The following ITGA1 variants were observed in gnomAD, a reference collection of about 807,000 sequenced individuals.
ITGA1 encodes integrin alpha-1.
A neutral mutation model predicts 145.9 loss-of-function variants in ITGA1; 85 were observed. The observed-to-expected ratio is 0.58, with a 90% CI of 0.49 to 0.70. The LOEUF (loss-of-function observed/expected upper bound fraction) is 0.70, where lower values mean the gene tolerates loss of function less well. Ranked by LOEUF, ITGA1 falls within the 30% of genes least tolerant of loss-of-function variation. The pLI is 0.00. For synonymous variants in ITGA1, 520 were observed against 495.3 expected, an observed-to-expected ratio of 1.05 and a Z score of -0.66; for missense variants, 1,351 against 1,418.7, an observed-to-expected ratio of 0.95 and a Z score of 0.77.
In ITGA1 at chr5:52,789,494, G is replaced by C. The variant is rs757849195; in HGVS notation, c.61+1080G>C. 2.0e-4 allele frequency among the ~76,000 whole-genome samples: 31 copies of C among 152,288 alleles called. 1 individual carries two copies. Among genetic ancestry groups the C allele is most frequent in the African/African-American group, 4.1e-4 (17 of 41,560 alleles). ...TGTTAAGTTTTATGAAGATGATTTA[G>C]AAGTTGATTATCAGCAAGCAGAGCT... On this transcript the variant is annotated intron_variant, in intron 1 of 28. Coordinates refer to ENST00000282588, the MANE Select transcript of ITGA1 (RefSeq NM_181501.2).
Position 52,800,697 on chromosome 5 carries a change from C to T in ITGA1, c.61+12283C>T, listed in dbSNP as rs371706485. ...ATGTCAAGATGGGGGCTTACCACAC[C>T]ATCGAGCTGGAGCCCAACCGCCAGT... is the stretch of plus-strand genomic sequence containing the variant. On this transcript the variant is annotated intron_variant, in intron 1 of 28. Coordinates refer to ENST00000282588, the MANE Select transcript of ITGA1 (RefSeq NM_181501.2). 2.8e-5 allele frequency: 46 copies of T among 1,614,186 alleles called. No homozygotes were observed. In the African/African-American group the frequency reaches 3.7e-4, roughly 13 times the overall value.
intron 20 of ITGA1, among the ~76,000 whole-genome samples, chr5:52,929,265 G>C (rs931444763): frequency 6.6e-6 from 1 of 152,084 alleles, no homozygotes; most frequent in Non-Finnish European, 1.5e-5. Context: ...GCAGCATTCT[G>C]AGTTACAAGG....
chr5:52,820,439 G>A (rs1301453458), intron 1 of ITGA1, among the ~76,000 whole-genome samples: 1 of 149,442 alleles, frequency 6.7e-6, no homozygotes, highest in East Asian at 2.0e-4. Context: ...GAGTTAATGG[G>A]TGCAGCACAC....
At chr5:52,928,658 G>C (rs1365854312) in intron 20 of ITGA1, among the ~76,000 whole-genome samples, 1 of 152,110 alleles carries the variant, frequency 6.6e-6, no homozygotes, top group African/African-American at 2.4e-5. Flanking sequence ...GGAACAAATT[G>C]AATTTCCAAA....
intron 6 of ITGA1, among the ~76,000 whole-genome samples, chr5:52,876,484 T>C (rs555654605): frequency 1.3e-4 from 20 of 152,272 alleles, no homozygotes; most frequent in Non-Finnish European, 2.2e-4. Flanking sequence ...GGGAACTACA[T>C]TGAATGTCAT....
At chr5:52,950,284 T>C (rs1255777064) in intron 28 of ITGA1, among the ~76,000 whole-genome samples, 3 of 152,230 alleles carry the variant, frequency 2.0e-5, no homozygotes, top group Admixed American at 6.5e-5. Flanking sequence ...CCTCAACTGA[T>C]GATTTATTTA....
chr5:52,881,324 G>T (rs970284029), intron 6 of ITGA1, among the ~76,000 whole-genome samples: 3 of 151,452 alleles, frequency 2.0e-5, no homozygotes, highest in African/African-American at 7.3e-5. Flanking sequence ...TCCCATCCTG[G>T]TCTTCTTCAC....
chr5:52,881,760 T>C (rs1749963618), intron 6 of ITGA1, 113 bp from the exon 7 acceptor site: 1 of 875,588 alleles, frequency 1.1e-6, no homozygotes, highest in Non-Finnish European at 1.7e-6. Context: ...TGTGTACTGA[T>C]AGGTTTGCAA....
At chr5:52,912,216 GAT>G (rs1199678150) in intron 14 of ITGA1, among the ~76,000 whole-genome samples, 2 of 139,862 alleles carry the variant, frequency 1.4e-5, no homozygotes, top group Non-Finnish European at 3.1e-5. Context: ...ATATAGATAT[GAT>G]ATATATACTG....
chr5:52,789,315 GTTAA>G (rs1029006785), intron 1 of ITGA1, among the ~76,000 whole-genome samples: 6 of 152,128 alleles, frequency 3.9e-5, no homozygotes, highest in African/African-American at 7.2e-5. Flanking sequence ...TTATTAATGG[GTTAA>G]TTAACAGCTG....
chr5:52,910,491 A>C, intron 14 of ITGA1, 72 bp downstream of exon 14: 1 of 1,476,956 alleles, frequency 6.8e-7, no homozygotes. Flanking sequence ...TACCTGTCTA[A>C]CTTCATGAGT....
Position 52,848,912 on chromosome 5 carries a change from C to A in ITGA1, c.62-453C>A, listed in dbSNP as rs577868129. ...TCCCTACAAAGGACATGAACTCATC[C>A]TTTTTTATGGCTGCATAGTATTCCA... is the stretch of plus-strand genomic sequence containing the variant. On this transcript the variant is annotated intron_variant, in intron 1 of 28. Transcript: ENST00000282588. Among the ~76,000 whole-genome samples the A allele has an allele frequency of 3.9e-5, 6 of 152,132 alleles. No individual in the cohort carries two copies. The South Asian group carries it at 6.2e-4, about 16-fold the overall frequency.
chr5:52,848,125 T>C (rs1366980924), intron 1 of ITGA1, among the ~76,000 whole-genome samples: 1 of 152,236 alleles, frequency 6.6e-6, no homozygotes, highest in Admixed American at 6.5e-5. Context: ...AACTGGTGAA[T>C]TTATCAACAC....
chr5:52,825,266 A>G (rs964177307), intron 1 of ITGA1: 11 of 152,214 alleles, frequency 7.2e-5, no homozygotes, highest in African/African-American at 2.7e-4. Flanking sequence ...CATTCATGTC[A>G]TAGTATGTAT....
chr5:52,853,807 G>T (rs377689277), intron 2 of ITGA1, among the ~76,000 whole-genome samples: 12 of 152,094 alleles, frequency 7.9e-5, no homozygotes, highest in African/African-American at 2.7e-4. Context: ...ATTGCAATGT[G>T]GTTCAGAAGA....
intron 7 of ITGA1, among the ~76,000 whole-genome samples, chr5:52,882,300 GACAAT>G (rs1749973400): frequency 6.6e-6 from 1 of 151,986 alleles, no homozygotes; most frequent in Non-Finnish European, 1.5e-5. Flanking sequence ...TGGGTACTAA[GACAAT>G]ATTAGTTAAT....
chr5:52,889,069 A>G (rs1750100731), intron 8 of ITGA1, among the ~76,000 whole-genome samples: 1 of 151,726 alleles, frequency 6.6e-6, no homozygotes, highest in Non-Finnish European at 1.5e-5. Context: ...CATTGAGTGT[A>G]CATTATAGTA....
Position 52,935,632 on chromosome 5 carries a change from A to T in ITGA1, c.2964+1636A>T, listed in dbSNP as rs1035390907. On this transcript the variant is annotated intron_variant, in intron 23 of 28. Transcript: ENST00000282588. ...TTAACAGGGTTAAAAGCAATAATGC[A>T]TATAAGAAGATTAGCACAGCATGTG... is the stretch of plus-strand genomic sequence containing the variant. Among the ~76,000 whole-genome samples, 4 of 152,320 alleles carry T rather than the reference A, an allele frequency of 2.6e-5. No individual in the cohort carries two copies. In the East Asian group the frequency reaches 7.7e-4, roughly 29 times the overall value.
At chr5:52,887,020 G>A (rs1191309393) in intron 7 of ITGA1, among the ~76,000 whole-genome samples, 1 of 151,946 alleles carries the variant, frequency 6.6e-6, no homozygotes, top group Non-Finnish European at 1.5e-5. Context: ...CTCGTGATCT[G>A]CCCGCCTCGG....
Sources: gnomAD v4.1 joint callset for allele counts (sites outside exome capture counted in the v4.1 genomes callset) on GRCh38, gnomAD v4.1.1 for gene constraint, MANE v1.5 for transcripts, NCBI Gene and HGNC (gene_info 2026-07-23, HGNC 2026-07-21) for gene names.